Variants in MAD1L1 observed in about 807,000 individuals in gnomAD.
The protein encoded by MAD1L1 is mitotic spindle assembly checkpoint protein MAD1.
In MAD1L1, 95 loss-of-function variants were observed where a neutral mutation model predicts 96.9. The ratio of observed to expected loss-of-function variants is 0.98; its 90% confidence interval spans 0.83 to 1.16. The LOEUF (loss-of-function observed/expected upper bound fraction) is 1.16. MAD1L1 is among the 50% of genes most tolerant of loss of function. The probability of loss-of-function intolerance (pLI) is 0.00; values close to 1 mark genes in which losing one functional copy is unlikely to be tolerated. For synonymous variants in MAD1L1, 473 were observed against 396.6 expected (o/e 1.19, Z -2.29); for missense variants, 1,007 against 954.4 (o/e 1.06, Z -0.73).
chr7:1,898,188 C>G lies in MAD1L1; in HGVS notation c.1998+12G>C. 1 of 1,596,192 alleles carries G rather than the reference C, an allele frequency of 6.3e-7. No individual in the cohort carries two copies. The highest frequency in any genetic ancestry group is 2.3e-5 in the East Asian group (1 of 44,010). On this transcript the variant is annotated intron_variant, in intron 18 of 18. Transcript: ENST00000265854. The stretch of plus-strand genomic sequence containing the variant: ...GCGAGACAGCCGGAGAGCCGTCACA[C>G]GCAGGACCCACCTTGAAGATGAGGC...
chr7:1,960,451 A>C (rs1330780492), intron 15 of MAD1L1, among the ~76,000 whole-genome samples: 1 of 152,260 alleles, frequency 6.6e-6, no homozygotes, highest in Non-Finnish European at 1.5e-5. Context: ...AAATACAAAG[A>C]TGCAAAAAGA....
chr7:1,967,308 G>GT (rs1260725505), intron 15 of MAD1L1, among the ~76,000 whole-genome samples: 1 of 152,098 alleles, frequency 6.6e-6, no homozygotes, highest in African/African-American at 2.4e-5. Flanking sequence ...AACCATTCAA[G>GT]TAACTCAACA....
At chr7:2,066,219 G>A (rs1584238764) in intron 12 of MAD1L1, among the ~76,000 whole-genome samples, 1 of 152,280 alleles carries the variant, frequency 6.6e-6, no homozygotes, top group East Asian at 1.9e-4. Context: ...CCGGAGGCTC[G>A]CAGCCCTCCT....
chr7:2,218,173 A>G lies in MAD1L1; in HGVS notation c.597-130T>C, dbSNP rs113481850. 55 of 674,568 alleles carry G rather than the reference A, an allele frequency of 8.2e-5. 1 individual carries two copies. In the Middle Eastern group the frequency reaches 1.2e-3, roughly 15 times the overall value. The allele number at this position is 674,568 out of a possible 1,614,324, so 41.8% of individuals were successfully genotyped here. ...CCCACCCCAAGGTTCAGGACCTCCC[A>G]CGGCACAGACCCCCCGCCCCCCGCC... On this transcript the variant is annotated intron_variant, in intron 6 of 18. Coordinates refer to ENST00000265854, the MANE Select transcript of MAD1L1 (RefSeq NM_001013836.2).
chr7:2,042,471 A>G (rs898737768), intron 12 of MAD1L1, among the ~76,000 whole-genome samples: 15 of 152,194 alleles, frequency 9.9e-5, no homozygotes, highest in African/African-American at 3.6e-4. Context: ...ACACCCAATG[A>G]TGGTATCAAC....
chr7:1,962,581 T>C (rs1779998014), intron 15 of MAD1L1, among the ~76,000 whole-genome samples: 1 of 152,092 alleles, frequency 6.6e-6, no homozygotes, highest in South Asian at 2.1e-4. Context: ...ATCCAGAACA[T>C]ATAAAGAGCT....
intron 18 of MAD1L1, among the ~76,000 whole-genome samples, chr7:1,857,054 CG>C (rs2128644807): frequency 6.6e-6 from 1 of 152,228 alleles, no homozygotes; most frequent in East Asian, 1.9e-4. Flanking sequence ...CGAGGAGCTG[CG>C]GGGAGCAGAC....
chr7:1,861,339 G>A (rs1412375588), intron 18 of MAD1L1, among the ~76,000 whole-genome samples: 1 of 152,246 alleles, frequency 6.6e-6, no homozygotes, highest in African/African-American at 2.4e-5. Flanking sequence ...GTGACAACGG[G>A]GCTGAGGTGG....
intron 12 of MAD1L1, among the ~76,000 whole-genome samples, chr7:2,042,811 C>G (rs1248784876): frequency 6.6e-6 from 1 of 152,160 alleles, no homozygotes; most frequent in Non-Finnish European, 1.5e-5. Context: ...CAGAATGACC[C>G]AGCCTCAGGG....
intron 14 of MAD1L1, among the ~76,000 whole-genome samples, chr7:2,001,803 C>T (rs1781807019): frequency 6.6e-6 from 1 of 152,248 alleles, no homozygotes; most frequent in South Asian, 2.1e-4. Flanking sequence ...CCTCATGCGG[C>T]AAACATGTCA....
chr7:2,063,680 T>C (rs1207567330), intron 12 of MAD1L1, among the ~76,000 whole-genome samples: 1 of 152,170 alleles, frequency 6.6e-6, no homozygotes, highest in Non-Finnish European at 1.5e-5. Flanking sequence ...CGTGGGCCCA[T>C]TTCTAAATCG....
Position 1,985,231 on chromosome 7 carries a change from C to T in MAD1L1, c.1417-4690G>A, listed in dbSNP as rs563740142. ...TAGGCCTCCTCCAACCCCTTGAGGC[C>T]GGAATGAAATGAAAACTGGAGGAGG... is the stretch of plus-strand genomic sequence containing the variant. On this transcript the variant is annotated intron_variant, in intron 14 of 18. Transcript: ENST00000265854. 1.4e-3 allele frequency among the ~76,000 whole-genome samples: 209 copies of T among 152,338 alleles called. 1 individual carries two copies. Among genetic ancestry groups the T allele is most frequent in the South Asian group, 9.7e-3 (47 of 4,832 alleles).
intron 18 of MAD1L1, among the ~76,000 whole-genome samples, chr7:1,828,336 G>A (rs1427941714): frequency 6.6e-6 from 1 of 152,218 alleles, no homozygotes; most frequent in Non-Finnish European, 1.5e-5. Flanking sequence ...TGAGGGACAG[G>A]GCTGGAGCTG....
At chr7:2,123,941 A>G (rs1788105416) in intron 11 of MAD1L1, among the ~76,000 whole-genome samples, 1 of 151,610 alleles carries the variant, frequency 6.6e-6, no homozygotes, top group African/African-American at 2.4e-5. Context: ...GGCTGCACAC[A>G]AGCAAAGGCA....
intron 11 of MAD1L1, among the ~76,000 whole-genome samples, chr7:2,090,545 G>C (rs1786155211): frequency 6.6e-6 from 1 of 152,310 alleles, no homozygotes; most frequent in African/African-American, 2.4e-5. Flanking sequence ...CTGTCCTTCA[G>C]CGTCCTTGTT....
intron 5 of MAD1L1, among the ~76,000 whole-genome samples, chr7:2,219,742 G>A (rs1458989025): frequency 1.3e-5 from 2 of 152,018 alleles, no homozygotes; most frequent in East Asian, 3.9e-4. Flanking sequence ...CCTTCTGGAG[G>A]ATGCAGGTCA....
chr7:2,094,314 C>T (rs1446049831), intron 11 of MAD1L1, among the ~76,000 whole-genome samples: 1 of 152,218 alleles, frequency 6.6e-6, no homozygotes, highest in Non-Finnish European at 1.5e-5. Context: ...GCTCTCACAT[C>T]GGGAACGGGA....
chr7:2,018,781 C>T (rs1489255820), intron 12 of MAD1L1, among the ~76,000 whole-genome samples: 1 of 152,202 alleles, frequency 6.6e-6, no homozygotes, highest in Non-Finnish European at 1.5e-5. Flanking sequence ...CCCACTCCCG[C>T]CCGGCCTCTG....
At chr7:2,127,301 C>A (rs191994898) in intron 11 of MAD1L1, among the ~76,000 whole-genome samples, 1 of 152,272 alleles carries the variant, frequency 6.6e-6, no homozygotes, top group East Asian at 1.9e-4. Flanking sequence ...CACAAAGGAG[C>A]GGCAACTCAC....
Sources: gnomAD v4.1 joint callset for allele counts (sites outside exome capture counted in the v4.1 genomes callset) on GRCh38, gnomAD v4.1.1 for gene constraint, MANE v1.5 for transcripts, NCBI Gene and HGNC (gene_info 2026-07-23, HGNC 2026-07-21) for gene names.